The following HIPK2 variants were observed in gnomAD, a reference collection of about 807,000 sequenced individuals.
HIPK2 encodes the protein homeodomain-interacting protein kinase 2.
Under a neutral mutation model 113.7 loss-of-function variants are expected in HIPK2, and 27 were observed. That is an observed-to-expected ratio of 0.24 (90% CI 0.17 to 0.33). The LOEUF is 0.33. Among genes scored for constraint, HIPK2 ranks in the 10% least tolerant of loss-of-function variants. The probability of loss-of-function intolerance (pLI) is 1.00; values close to 1 mark genes in which losing one functional copy is unlikely to be tolerated. For missense variants in HIPK2, 1,257 were observed against 1,588.0 expected (o/e 0.79, Z 3.54); for synonymous variants, 631 against 642.2 (o/e 0.98, Z 0.26).
At chr7:139,724,416 C>T (rs1409071437) in intron 1 of HIPK2, among the ~76,000 whole-genome samples, 1 of 152,108 alleles carries the variant, frequency 6.6e-6, no homozygotes, top group Non-Finnish European at 1.5e-5. Flanking sequence ...GTCCCTGGGG[C>T]TTTTATACCA....
At chr7:139,584,380 G>GGCA (rs1281123282) in intron 12 of HIPK2, among the ~76,000 whole-genome samples, 4 of 152,200 alleles carry the variant, frequency 2.6e-5, no homozygotes, top group African/African-American at 9.6e-5. Context: ...CTGCAGGGGA[G>GGCA]GCACCTGCAG....
At chr7:139,648,610 C>T (rs193053252) in intron 2 of HIPK2, among the ~76,000 whole-genome samples, 18 of 152,242 alleles carry the variant, frequency 1.2e-4, no homozygotes, top group African/African-American at 2.9e-4. Context: ...CCTTCACGTC[C>T]GGTTAAAACG....
chr7:139,765,075 G>A (rs1796531329), intron 1 of HIPK2, among the ~76,000 whole-genome samples: 1 of 151,802 alleles, frequency 6.6e-6, no homozygotes, highest in South Asian at 2.1e-4. Context: ...GGCAGAGGTT[G>A]CAGTGAGCTG....
At chr7:139,590,507 C>T (rs1350354004) in intron 12 of HIPK2, among the ~76,000 whole-genome samples, 6 of 152,158 alleles carry the variant, frequency 3.9e-5, no homozygotes, top group Non-Finnish European at 8.8e-5. Context: ...AGACCAGGGT[C>T]AAAACTCATC....
chr7:139,711,479 A>G (rs1795066971), intron 2 of HIPK2, among the ~76,000 whole-genome samples: 1 of 152,186 alleles, frequency 6.6e-6, no homozygotes. Context: ...GCTATTTTTC[A>G]TGTCCTAATT....
In HIPK2 at chr7:139,707,466, G is replaced by A. The variant is rs1569478194; in HGVS notation, c.1103+8466C>T. On this transcript the variant is annotated intron_variant, in intron 2 of 14. Coordinates refer to ENST00000406875, the MANE Select transcript of HIPK2 (RefSeq NM_022740.5). ...CGACCTGCTCTCACAGGGCGGCATC[G>A]AGGACTCAGAACATGCTAGTGGCCC... Among the ~76,000 whole-genome samples the A allele has an allele frequency of 2.0e-5, 3 of 152,358 alleles. No individual in the cohort carries two copies. The South Asian group carries it at 6.2e-4, about 32-fold the overall frequency.
At chr7:139,700,455 C>T (rs1438917102) in intron 2 of HIPK2, among the ~76,000 whole-genome samples, 4 of 152,184 alleles carry the variant, frequency 2.6e-5, no homozygotes, top group African/African-American at 9.6e-5. Context: ...ACTCAGAAAA[C>T]GTGAGTCACC....
intron 1 of HIPK2, among the ~76,000 whole-genome samples, chr7:139,760,914 C>T (rs1796451509): frequency 6.6e-6 from 1 of 152,136 alleles, no homozygotes; most frequent in South Asian, 2.1e-4. Flanking sequence ...CACAGATTTT[C>T]AAGATTATAG....
intron 1 of HIPK2, among the ~76,000 whole-genome samples, chr7:139,756,976 A>C (rs1796373120): frequency 6.6e-6 from 1 of 152,228 alleles, no homozygotes; most frequent in Non-Finnish European, 1.5e-5. Context: ...TAAAATACAT[A>C]TGAACTGATC....
intron 1 of HIPK2, among the ~76,000 whole-genome samples, chr7:139,762,997 G>A (rs1278846037): frequency 6.6e-6 from 1 of 152,234 alleles, no homozygotes; most frequent in Non-Finnish European, 1.5e-5. Flanking sequence ...CATTTGAGGT[G>A]TGACCACAGA....
chr7:139,593,980 C>A (rs866599978), intron 12 of HIPK2, among the ~76,000 whole-genome samples: 2 of 152,108 alleles, frequency 1.3e-5, no homozygotes, highest in Non-Finnish European at 2.9e-5. Flanking sequence ...ACAAAGCTGA[C>A]CACCCCCATG....
intron 2 of HIPK2, among the ~76,000 whole-genome samples, chr7:139,669,856 G>T (rs1200593301): frequency 1.3e-5 from 2 of 152,166 alleles, no homozygotes; most frequent in Non-Finnish European, 2.9e-5. Flanking sequence ...GTGGTCATAT[G>T]GCAATGAGGT....
At chr7:139,729,591 C>T (rs1795709933) in intron 1 of HIPK2, among the ~76,000 whole-genome samples, 2 of 152,262 alleles carry the variant, frequency 1.3e-5, no homozygotes, top group East Asian at 3.9e-4. Flanking sequence ...TCTCACCTGC[C>T]ATCCACATTG....
At chr7:139,604,709 A>G (rs1799561716) in intron 9 of HIPK2, among the ~76,000 whole-genome samples, 1 of 145,080 alleles carries the variant, frequency 6.9e-6, no homozygotes, top group Admixed American at 6.8e-5. Flanking sequence ...AAAAAAAAAA[A>G]GAACATATAT....
chr7:139,659,723 G>A (rs988883243), intron 2 of HIPK2, among the ~76,000 whole-genome samples: 11 of 150,930 alleles, frequency 7.3e-5, no homozygotes, highest in African/African-American at 2.0e-4. Flanking sequence ...TCCAGCCCAC[G>A]AACTTCTGGC....
intron 2 of HIPK2, among the ~76,000 whole-genome samples, chr7:139,662,207 A>C (rs1801890027): frequency 6.6e-6 from 1 of 152,208 alleles, no homozygotes; most frequent in Non-Finnish European, 1.5e-5. Flanking sequence ...GCTAACATCC[A>C]GCCAGCGGCA....
At chr7:139,702,121 C>T (rs991785109) in intron 2 of HIPK2, among the ~76,000 whole-genome samples, 3 of 152,204 alleles carry the variant, frequency 2.0e-5, no homozygotes, top group Non-Finnish European at 4.4e-5. Context: ...CTGCTCCAGA[C>T]TCCAGCAGCG....
chr7:139,734,998 A>G (rs1270760782), intron 1 of HIPK2, among the ~76,000 whole-genome samples: 1 of 152,254 alleles, frequency 6.6e-6, no homozygotes, highest in Non-Finnish European at 1.5e-5. Flanking sequence ...AACTTGGTAT[A>G]ACTATGATAT....
chr7:139,613,312 A>G lies in HIPK2; in HGVS notation c.2002T>C (p.Ser668Pro). 1 of 1,613,328 alleles carries G rather than the reference A, an allele frequency of 6.2e-7. No individual in the cohort carries two copies. The highest frequency in any genetic ancestry group is 8.5e-7 in the Non-Finnish European group (1 of 1,179,640). ...CPPGFQGLQA[S>P]PSKHAGYSVR... ...GAGTAGCCAGCGTGCTTAGAGGGAG[A>G]GGCCTGCAAGCCTGTTCCAGACAGT... Residue 668 changes from serine (S) to proline (P), a missense_variant, in exon 9 of 15, where the codon TCT becomes CCT. Around this residue, in one of 5 missense-constraint regions of HIPK2, gnomAD observed 862 missense variants for 1,004.3 expected, o/e 0.86. Transcript: ENST00000406875. The surrounding 1 kb of genome is among the most constrained non-coding windows in gnomAD (Gnocchi z 4.2).
Sources: allele counts gnomAD v4.1 joint callset (sites outside exome capture counted in the v4.1 genomes callset), GRCh38; gene constraint gnomAD v4.1.1; regional missense constraint gnomAD v4.1.1; non-coding constraint Gnocchi (gnomAD v3.1); transcripts MANE v1.5; gene names NCBI Gene and HGNC (gene_info 2026-07-23, HGNC 2026-07-21).